Variants in PCGF6 observed in about 807,000 individuals in gnomAD.
PCGF6 encodes the protein polycomb group RING finger protein 6.
Under a neutral mutation model 45.5 loss-of-function variants are expected in PCGF6, and 24 were observed. The observed-to-expected ratio is 0.53, with a 90% confidence interval of 0.38 to 0.74. The LOEUF is 0.74. PCGF6 is among the 30% of genes least tolerant of loss of function. The pLI is 0.00. For missense variants in PCGF6, 356 were observed against 443.2 expected (o/e 0.80, Z 1.77); for synonymous variants, 152 against 162.1 (o/e 0.94, Z 0.47).
chr10:103,341,137 G>T (rs1219755394), intron 6 of PCGF6, among the ~76,000 whole-genome samples: 3 of 151,896 alleles, frequency 2.0e-5, no homozygotes, highest in African/African-American at 7.2e-5. Flanking sequence ...GCTGAGGCAG[G>T]AGAATCGCTT....
intron 6 of PCGF6, among the ~76,000 whole-genome samples, chr10:103,344,607 G>C (rs1309387953): frequency 6.7e-6 from 1 of 149,674 alleles, no homozygotes; most frequent in Non-Finnish European, 1.5e-5. Context: ...TTGTCGCCTA[G>C]GCTGGAGTGC....
intron 7 of PCGF6, among the ~76,000 whole-genome samples, chr10:103,332,437 A>G (rs1026000779): frequency 3.7e-4 from 57 of 152,078 alleles, no homozygotes; most frequent in African/African-American, 1.4e-3. Flanking sequence ...CAACATGCAG[A>G]GCTAACATTT....
chr10:103,318,467 G>A (rs1332344905), intron 8 of PCGF6, among the ~76,000 whole-genome samples: 7 of 150,034 alleles, frequency 4.7e-5, no homozygotes, highest in African/African-American at 1.2e-4. Context: ...AAAAAAGTGC[G>A]GGTGCGGTGG....
At chr10:103,339,112 G>T (rs574937048) in intron 6 of PCGF6, among the ~76,000 whole-genome samples, 1 of 152,026 alleles carries the variant, frequency 6.6e-6, no homozygotes, top group South Asian at 2.1e-4. Context: ...TAACATAAAT[G>T]CTTTTCTATG....
At chr10:103,330,343 G>T (rs932146467) in intron 7 of PCGF6, among the ~76,000 whole-genome samples, 3 of 151,964 alleles carry the variant, frequency 2.0e-5, no homozygotes, top group African/African-American at 7.3e-5. Context: ...CTAAAGTGCT[G>T]GGATTACAGG....
At chr10:103,315,979 T>G (rs11191652) in intron 8 of PCGF6, among the ~76,000 whole-genome samples, 144 of 76,736 alleles carry the variant, frequency 1.9e-3, no homozygotes, top group Middle Eastern at 5.7e-3. Context: ...TGTGTGTGTG[T>G]GTGTGTGTGT....
intron 9 of PCGF6, among the ~76,000 whole-genome samples, chr10:103,308,240 A>T (rs1035502840): frequency 6.6e-6 from 1 of 152,076 alleles, no homozygotes; most frequent in Non-Finnish European, 1.5e-5. Context: ...TTGCACCCTG[A>T]GTTTGAAAAT....
In PCGF6 at chr10:103,345,060, G is replaced by C; in HGVS notation, c.746C>G (p.Pro249Arg). The change falls in exon 6 of 10, where the codon CCT (proline) becomes CGT (arginine). Residue 249 changes from proline to arginine, a missense_variant. This residue lies in a region of PCGF6 where 307 missense variants were observed against 350.1 expected (regional missense o/e 0.88). Coordinates refer to ENST00000369847, the MANE Select transcript of PCGF6 (RefSeq NM_001011663.2). Reference protein sequence around the residue: ...KVLESVFRIPPELDMSLLLEF... With the variant: ...KVLESVFRIPRELDMSLLLEF... ...CAGTAATAAAGACATATCAAGTTCA[G>C]GTGGAATACGAAACACTGATTCTAG... The C allele has an allele frequency of 6.2e-7, 1 of 1,612,438 alleles. No individual in the cohort carries two copies. Among genetic ancestry groups the C allele is most frequent in the Non-Finnish European group, 8.5e-7 (1 of 1,178,954 alleles).
intron 7 of PCGF6, among the ~76,000 whole-genome samples, chr10:103,328,486 A>C (rs1034294560): frequency 1.3e-5 from 2 of 152,232 alleles, no homozygotes; most frequent in Non-Finnish European, 2.9e-5. Flanking sequence ...CACTCCAGGC[A>C]GACACCTGGG....
At chr10:103,346,196 T>A (rs565671379) in intron 5 of PCGF6, among the ~76,000 whole-genome samples, 26 of 128,078 alleles carry the variant, frequency 2.0e-4, no homozygotes, top group Non-Finnish European at 2.5e-4. Flanking sequence ...CCATCTCATT[T>A]AAAAAAAAAA....
At chr10:103,316,009 T>TAG (rs1398812514) in intron 8 of PCGF6, among the ~76,000 whole-genome samples, 2,881 of 127,254 alleles carry the variant, frequency 0.023, 29 homozygotes, top group Non-Finnish European at 0.029. Context: ...TATATATATA[T>TAG]ATATAGAGAG....
chr10:103,349,043 T>A, intron 1 of PCGF6, 44 bp from the exon 2 acceptor site: 1 of 1,524,664 alleles, frequency 6.6e-7, no homozygotes, highest in Non-Finnish European at 9.0e-7. Context: ...GTCCTTGCCT[T>A]TTACAAATTC....
chr10:103,334,797 G>A (rs1472615020), intron 6 of PCGF6, among the ~76,000 whole-genome samples: 2 of 152,070 alleles, frequency 1.3e-5, no homozygotes, highest in Non-Finnish European at 2.9e-5. Flanking sequence ...ATTGAATTAG[G>A]TATTCATGTG....
chr10:103,320,634 C>A (rs993734588), intron 8 of PCGF6, among the ~76,000 whole-genome samples: 1 of 152,094 alleles, frequency 6.6e-6, no homozygotes, highest in Non-Finnish European at 1.5e-5. Context: ...TTGCGGTGAG[C>A]CGACATCATC....
intron 8 of PCGF6, among the ~76,000 whole-genome samples, chr10:103,318,079 T>C (rs2093182711): frequency 6.8e-6 from 1 of 147,898 alleles, no homozygotes; most frequent in South Asian, 2.2e-4. Flanking sequence ...TTTCTAAGAG[T>C]TTGATGTGTA....
At chr10:103,318,719 G>A (rs2093185365) in intron 8 of PCGF6, among the ~76,000 whole-genome samples, 2 of 151,834 alleles carry the variant, frequency 1.3e-5, no homozygotes, top group Non-Finnish European at 2.9e-5. Context: ...ACTCCAGCCT[G>A]GGCGACAGAG....
At position 103,326,595 on chromosome 10, in the gene PCGF6, G is replaced by A. The variant is rs545021529; in HGVS notation, c.848C>T (p.Ala283Val). The A allele has an allele frequency of 3.7e-6, 6 of 1,610,652 alleles. No homozygotes were observed. The South Asian group carries it at 6.7e-5, about 18-fold the overall frequency. ...EKKFVRVSGEATIGHVEKFLR... is the reference protein window; with the variant it reads ...EKKFVRVSGEVTIGHVEKFLR... ...GAATTTTTCTACATGTCCAATAGTT[G>A]CTTCTCCTGAAACTCGAACAAACTT... The change falls in exon 8 of 10, where the codon GCA becomes GTA. Residue 283 changes from alanine to valine, a missense_variant. By Grantham distance (64) the Ala-to-Val change is moderately conservative. Coordinates refer to ENST00000369847, the MANE Select transcript of PCGF6 (RefSeq NM_001011663.2).
At chr10:103,341,943 TC>T (rs202146858) in intron 6 of PCGF6, among the ~76,000 whole-genome samples, 10 of 151,666 alleles carry the variant, frequency 6.6e-5, no homozygotes, top group South Asian at 2.1e-4. Flanking sequence ...ATTAATATGT[TC>T]TTTTTTTTTT....
intron 7 of PCGF6, among the ~76,000 whole-genome samples, chr10:103,329,322 G>A (rs1435965173): frequency 1.3e-5 from 2 of 152,276 alleles, no homozygotes; most frequent in East Asian, 1.9e-4. Context: ...TTACAGGCGT[G>A]AGCCACCGCA....
Sources: gnomAD v4.1 joint callset for allele counts (sites outside exome capture counted in the v4.1 genomes callset) on GRCh38, gnomAD v4.1.1 for gene constraint, gnomAD v4.1.1 regional missense constraint, MANE v1.5 for transcripts, NCBI Gene and HGNC (gene_info 2026-07-23, HGNC 2026-07-21) for gene names.